Variants in RHOH observed in about 807,000 individuals in gnomAD.
RHOH encodes rho-related GTP-binding protein RhoH.
RHOH carries 6 observed loss-of-function variants against 13.8 expected under a neutral mutation model. That is an observed-to-expected ratio of 0.44 (90% CI 0.24 to 0.86). The LOEUF (loss-of-function observed/expected upper bound fraction) is 0.86, where lower values mean the gene tolerates loss of function less well. Ranked by LOEUF, RHOH falls within the 40% of genes least tolerant of loss-of-function variation. The probability of loss-of-function intolerance (pLI) is 0.24; values close to 1 mark genes in which losing one functional copy is unlikely to be tolerated. For missense variants in RHOH, 147 were observed against 244.5 expected (o/e 0.60, Z 2.66); for synonymous variants, 117 against 103.0 (o/e 1.14, Z -0.82).
chr4:40,209,255 T>C (rs1029119053), intron 1 of RHOH, among the ~76,000 whole-genome samples: 1 of 152,198 alleles, frequency 6.6e-6, no homozygotes, highest in Non-Finnish European at 1.5e-5. Flanking sequence ...TCTCAAAGCA[T>C]AGAAAACGAC....
chr4:40,243,726 GT>G lies in RHOH; in HGVS notation c.341del (p.Val114GlyfsTer155). 6.2e-7 allele frequency: 1 copy of G among 1,614,174 alleles called. No individual in the cohort carries two copies. The highest frequency in any genetic ancestry group is 1.1e-5 in the South Asian group (1 of 91,084). ...CTTGCCCTGTACCCCTGTGCTGGTG[GT>G]GGCCACCCAGACTGACCAGCGGGAG... ...SNLPCTPVLV[V>X]ATQTDQREMG... On this transcript the variant is annotated frameshift_variant, in exon 3 of 3. Coordinates refer to ENST00000381799, the MANE Select transcript of RHOH (RefSeq NM_004310.5). LOFTEE classifies it high-confidence loss of function. The surrounding 1 kb of genome is among the most constrained non-coding windows in gnomAD (Gnocchi z 6.2).
At chr4:40,233,567 A>G (rs2381493) in intron 1 of RHOH, among the ~76,000 whole-genome samples, 95,929 of 151,998 alleles carry the variant, frequency 0.63, 31,264 homozygotes, top group Non-Finnish European at 0.7. Flanking sequence ...GTCTAGTAGG[A>G]GTTGGCAAAC....
Position 40,246,652 on chromosome 4 carries a change from G to A in RHOH, c.*2690G>A, listed in dbSNP as rs781215219. ...AGGGCTCAGCACAGGGAAGGCAATG[G>A]AGGTAAAGTTGTGTTAAACTGAAAT... On this transcript the variant is annotated 3_prime_UTR_variant, in exon 3 of 3. Coordinates refer to ENST00000381799, the MANE Select transcript of RHOH (RefSeq NM_004310.5). 6.6e-6 allele frequency: 1 copy of A among 152,268 alleles called. No homozygotes were observed. Among genetic ancestry groups the A allele is most frequent in the Non-Finnish European group, 1.5e-5 (1 of 68,090 alleles). The allele number at this position is 152,268 out of a possible 1,614,324, so 9.4% of individuals were successfully genotyped here.
At chr4:40,236,692 T>C (rs1404717343) in intron 1 of RHOH, among the ~76,000 whole-genome samples, 1 of 151,834 alleles carries the variant, frequency 6.6e-6, no homozygotes, top group Non-Finnish European at 1.5e-5. Flanking sequence ...CTTGGGAGGC[T>C]GAGGCAAAAG....
chr4:40,237,398 T>G (rs1410189316), intron 1 of RHOH, among the ~76,000 whole-genome samples: 2 of 151,322 alleles, frequency 1.3e-5, no homozygotes, highest in Non-Finnish European at 2.9e-5. Flanking sequence ...GAGGCGGCAG[T>G]GAGCCAATAT....
At chr4:40,200,502 C>T (rs892598940) in intron 1 of RHOH, 7 of 152,116 alleles carry the variant, frequency 4.6e-5, no homozygotes, top group African/African-American at 1.7e-4. Flanking sequence ...GGAAAGTGGT[C>T]GTTTTGCAGG....
intron 1 of RHOH, among the ~76,000 whole-genome samples, chr4:40,231,175 C>A (rs528588580): frequency 1.3e-5 from 2 of 152,240 alleles, no homozygotes; most frequent in South Asian, 4.1e-4. Context: ...CATTTTGAAA[C>A]CTGCCATTTT....
At chr4:40,193,479 C>CGAGAGAGA (rs34244157), upstream of RHOH, among the ~76,000 whole-genome samples, 1,531 of 88,624 alleles carry the variant, frequency 0.017, 51 homozygotes, top group African/African-American at 0.048. Flanking sequence ...AGAATGAGAG[C>CGAGAGAGA]GAGAGAGAGA....
intron 1 of RHOH, among the ~76,000 whole-genome samples, chr4:40,206,410 A>G (rs143493102): frequency 1.8e-4 from 27 of 152,192 alleles, no homozygotes; most frequent in African/African-American, 6.3e-4. Flanking sequence ...GAAGCATAAG[A>G]ATGCCTGTAA....
rs5857717 is a variant in RHOH, at chr4:40,210,089, C to CGTGTGTGTGTGT, written c.-331+12812_-331+12823dup. 3.1e-3 allele frequency among the ~76,000 whole-genome samples: 457 copies of CGTGTGTGTGTGT among 145,534 alleles called. 1 individual carries two copies. Among genetic ancestry groups the CGTGTGTGTGTGT allele is most frequent in the African/African-American group, 8.0e-3 (317 of 39,750 alleles). On this transcript the variant is annotated intron_variant, in intron 1 of 2. Transcript: ENST00000381799. ...GTAATATTCCTGATTACATTGTGTG[C>CGTGTGTGTGTGT]GTGTGTGTGTGTGTGTGTGTGTGTG...
chr4:40,207,775 T>C (rs10033675), intron 1 of RHOH, among the ~76,000 whole-genome samples: 6,386 of 152,242 alleles, frequency 0.042, 433 homozygotes, highest in African/African-American at 0.14. Context: ...GAGACCAGCC[T>C]GGCCAACATA....
At chr4:40,217,157 G>T (rs1725986976) in intron 1 of RHOH, among the ~76,000 whole-genome samples, 1 of 152,148 alleles carries the variant, frequency 6.6e-6, no homozygotes, top group Non-Finnish European at 1.5e-5. Context: ...ACTGAGACTT[G>T]CTCCTCTGTC....
At position 40,244,212 on chromosome 4, in the gene RHOH, A is replaced by T. The variant is rs1481477095; in HGVS notation, c.*250A>T. On this transcript the variant is annotated 3_prime_UTR_variant, in exon 3 of 3. Transcript: ENST00000381799. ...TGTGATGAATATTCCATCTTTGATT[A>T]AAAAAGTGAAATAGTCTCCATAATT... 2.6e-6 allele frequency: 1 copy of T among 384,112 alleles called. No homozygotes were observed. Among genetic ancestry groups the T allele is most frequent in the Non-Finnish European group, 4.8e-6 (1 of 207,014 alleles). 23.8% of individuals were successfully genotyped at this position (384,112 alleles called of 1,614,324 possible). A position where few individuals can be genotyped will look rare whatever the true frequency, so the allele number is the denominator to read the frequency against.
chr4:40,198,848 T>C (rs1723578646), intron 1 of RHOH, among the ~76,000 whole-genome samples: 2 of 152,232 alleles, frequency 1.3e-5, no homozygotes, highest in Non-Finnish European at 2.9e-5. Flanking sequence ...TTTGCATGTC[T>C]AAATGAGATG....
At chr4:40,235,734 G>A (rs910910089) in intron 1 of RHOH, among the ~76,000 whole-genome samples, 1 of 152,060 alleles carries the variant, frequency 6.6e-6, no homozygotes, top group Non-Finnish European at 1.5e-5. Context: ...AGCACTTTGG[G>A]AGGCTGAGGC....
intron 1 of RHOH, among the ~76,000 whole-genome samples, chr4:40,220,249 C>T (rs1220797118): frequency 6.6e-6 from 1 of 152,266 alleles, no homozygotes; most frequent in East Asian, 1.9e-4. Context: ...TCCTCCAAGA[C>T]CAAGTTCAAA....
upstream of RHOH, chr4:40,191,400 C>T (rs148129922): frequency 6.6e-6 from 1 of 152,236 alleles, no homozygotes; most frequent in African/African-American, 2.4e-5. Flanking sequence ...AATGCAGATA[C>T]TGGTTTTGTT....
At chr4:40,237,218 C>T (rs137860453) in intron 1 of RHOH, among the ~76,000 whole-genome samples, 151 of 152,130 alleles carry the variant, frequency 9.9e-4, no homozygotes, top group African/African-American at 3.5e-3. Context: ...TTTGGGAGGC[C>T]GAGGTGGGTG....
At chr4:40,214,227 G>A (rs1239681636) in intron 1 of RHOH, among the ~76,000 whole-genome samples, 2 of 152,168 alleles carry the variant, frequency 1.3e-5, no homozygotes, top group Non-Finnish European at 2.9e-5. Context: ...ATGAATGTTT[G>A]CACAGTATAC....
Sources: allele counts gnomAD v4.1 joint callset (sites outside exome capture counted in the v4.1 genomes callset), GRCh38; gene constraint gnomAD v4.1.1; non-coding constraint Gnocchi (gnomAD v3.1); transcripts MANE v1.5; gene names NCBI Gene and HGNC (gene_info 2026-07-23, HGNC 2026-07-21).